CCBE1: variants seen among roughly 807,000 people sequenced by gnomAD.
The protein encoded by CCBE1 is collagen and calcium-binding EGF domain-containing protein 1.
In CCBE1, 37 loss-of-function variants were observed where a neutral mutation model predicts 50.0. The observed-to-expected ratio is 0.74, with a 90% CI of 0.57 to 0.97. CCBE1 has a LOEUF of 0.97. Among genes scored for constraint, CCBE1 ranks in the 50% least tolerant of loss-of-function variants. CCBE1 has a pLI of 0.00. For missense variants in CCBE1, 538 were observed against 523.8 expected (o/e 1.03, Z -0.26); for synonymous variants, 234 against 203.7 (o/e 1.15, Z -1.27).
chr18:59,653,729 G>C (rs1292793364), intron 2 of CCBE1, among the ~76,000 whole-genome samples: 1 of 152,108 alleles, frequency 6.6e-6, no homozygotes, highest in Admixed American at 6.5e-5. Flanking sequence ...GACATCCAGG[G>C]GTTAAATTCA....
At chr18:59,635,197 A>G (rs1174432568) in intron 2 of CCBE1, among the ~76,000 whole-genome samples, 2 of 152,228 alleles carry the variant, frequency 1.3e-5, no homozygotes, top group Non-Finnish European at 2.9e-5. Flanking sequence ...GCCAGATGAC[A>G]ATGAAATCAT....
At chr18:59,451,023 C>A (rs1050902929) in intron 6 of CCBE1, among the ~76,000 whole-genome samples, 2 of 152,174 alleles carry the variant, frequency 1.3e-5, no homozygotes, top group African/African-American at 4.8e-5. Flanking sequence ...AATTCTCAGG[C>A]CTGACTGTTG....
At chr18:59,514,633 TTTC>T (rs1914287031) in intron 2 of CCBE1, among the ~76,000 whole-genome samples, 1 of 139,626 alleles carries the variant, frequency 7.2e-6, no homozygotes, top group South Asian at 2.4e-4. Context: ...TTTTTTTTTC[TTTC>T]CTTTCCTTGA....
chr18:59,518,293 A>C (rs1245025105), intron 2 of CCBE1, among the ~76,000 whole-genome samples: 2 of 152,172 alleles, frequency 1.3e-5, no homozygotes, highest in Non-Finnish European at 2.9e-5. Context: ...GTTCAAGACC[A>C]GCCTGGCCAA....
intron 2 of CCBE1, among the ~76,000 whole-genome samples, chr18:59,498,919 C>T (rs553421534): frequency 1.3e-5 from 2 of 152,282 alleles, no homozygotes; most frequent in South Asian, 4.1e-4. Flanking sequence ...CCTGATAAAC[C>T]CTAAGGCCAA....
intron 2 of CCBE1, among the ~76,000 whole-genome samples, chr18:59,531,218 T>A (rs1033750756): frequency 1.3e-4 from 20 of 151,910 alleles, no homozygotes; most frequent in African/African-American, 4.6e-4. Flanking sequence ...GAATGAGAAC[T>A]CCCAACATTG....
intron 10 of CCBE1, among the ~76,000 whole-genome samples, chr18:59,436,573 G>GGAT (rs1272623022): frequency 1.3e-5 from 2 of 152,148 alleles, no homozygotes; most frequent in Non-Finnish European, 2.9e-5. Context: ...TGTAAAACGG[G>GGAT]GATAATAATA....
intron 2 of CCBE1, among the ~76,000 whole-genome samples, chr18:59,589,066 G>A (rs1053484778): frequency 2.0e-5 from 3 of 152,170 alleles, no homozygotes; most frequent in Non-Finnish European, 1.5e-5. Flanking sequence ...ATGTAACCAC[G>A]CATTAAAGCA....
In CCBE1 at chr18:59,439,595, T is replaced by C; in HGVS notation, c.916-17A>G. 1 of 1,614,252 alleles carries C rather than the reference T, an allele frequency of 6.2e-7. No homozygotes were observed. Among genetic ancestry groups the C allele is most frequent in the Non-Finnish European group, 8.5e-7 (1 of 1,180,046 alleles). ...TGGTGGACCCTGTAATACAAAAGGA[T>C]CTGGTTTAACCACAGGCAAAAGCAT... On this transcript the variant is annotated splice_polypyrimidine_tract_variant and intron_variant, in intron 8 of 10. Transcript: ENST00000439986.
intron 2 of CCBE1, among the ~76,000 whole-genome samples, chr18:59,485,431 C>T (rs919385799): frequency 6.6e-6 from 1 of 151,892 alleles, no homozygotes; most frequent in African/African-American, 2.4e-5. Flanking sequence ...TTAAAAATAA[C>T]TTCCTATAGT....
intron 2 of CCBE1, among the ~76,000 whole-genome samples, chr18:59,681,577 A>C (rs1452302886): frequency 2.0e-5 from 3 of 152,222 alleles, no homozygotes; most frequent in African/African-American, 7.2e-5. Context: ...ATGGCACAGC[A>C]CATGTTCAAA....
chr18:59,626,789 C>G (rs1474426579), intron 2 of CCBE1, among the ~76,000 whole-genome samples: 4 of 151,934 alleles, frequency 2.6e-5, no homozygotes, highest in South Asian at 2.1e-4. Flanking sequence ...CTCAAAGAGC[C>G]CTGTGAGATA....
chr18:59,638,247 T>C (rs749261519), intron 2 of CCBE1, among the ~76,000 whole-genome samples: 6 of 152,232 alleles, frequency 3.9e-5, no homozygotes, highest in Non-Finnish European at 8.8e-5. Context: ...AAAGAATGGA[T>C]TTATGCTTTT....
chr18:59,540,550 T>A (rs1196574589), intron 2 of CCBE1, among the ~76,000 whole-genome samples: 1 of 152,206 alleles, frequency 6.6e-6, no homozygotes, highest in African/African-American at 2.4e-5. Context: ...CCTTTTGGAC[T>A]TCCTACAGTT....
intron 2 of CCBE1, among the ~76,000 whole-genome samples, chr18:59,690,119 G>A (rs888804709): frequency 1.3e-5 from 2 of 152,180 alleles, no homozygotes; most frequent in Admixed American, 6.5e-5. Context: ...TTTTGTTGTT[G>A]TTGGGGGTTT....
chr18:59,461,629 G>T lies in CCBE1; in HGVS notation c.553+5110C>A, dbSNP rs777708578. On this transcript the variant is annotated intron_variant, in intron 5 of 10. Transcript: ENST00000439986. Reference sequence around the variant, plus strand: ...GCTGCTGGAGAGCACCCTTAGTAGAGTCATATCAGGTTTCCCTTTTAAGAC... The same window carrying T: ...GCTGCTGGAGAGCACCCTTAGTAGATTCATATCAGGTTTCCCTTTTAAGAC... Among the ~76,000 whole-genome samples, 4 of 151,782 alleles carry T rather than the reference G, an allele frequency of 2.6e-5. No individual in the cohort carries two copies. The East Asian group carries it at 7.8e-4, about 29-fold the overall frequency.
chr18:59,506,465 A>T (rs1439214344), intron 2 of CCBE1, among the ~76,000 whole-genome samples: 3 of 152,210 alleles, frequency 2.0e-5, no homozygotes, highest in Non-Finnish European at 2.9e-5. Context: ...TCACTTGCTA[A>T]AGGAATGAAG....
At chr18:59,615,202 A>G (rs963319478) in intron 2 of CCBE1, among the ~76,000 whole-genome samples, 10 of 152,196 alleles carry the variant, frequency 6.6e-5, no homozygotes, top group African/African-American at 2.4e-4. Flanking sequence ...ACCAGGGGAA[A>G]ACACTGCTCT....
At chr18:59,670,356 C>T (rs1226567097) in intron 2 of CCBE1, among the ~76,000 whole-genome samples, 1 of 152,052 alleles carries the variant, frequency 6.6e-6, no homozygotes, top group African/African-American at 2.4e-5. Context: ...CATTCCTCTT[C>T]AAGGTGGGAG....
Sources: allele counts gnomAD v4.1 joint callset (sites outside exome capture counted in the v4.1 genomes callset), GRCh38; gene constraint gnomAD v4.1.1; transcripts MANE v1.5; gene names NCBI Gene and HGNC (gene_info 2026-07-23, HGNC 2026-07-21).